The following NEK1 variants were observed in gnomAD, a reference collection of about 807,000 sequenced individuals.
NEK1 encodes the protein NIMA related kinase 1, also known as serine/threonine-protein kinase Nek1.
In NEK1, 137 loss-of-function variants were observed where a neutral mutation model predicts 182.1. The ratio of observed to expected loss-of-function variants is 0.75; its 90% CI spans 0.65 to 0.87. The LOEUF (loss-of-function observed/expected upper bound fraction) is 0.87. Ranked by LOEUF, NEK1 falls within the 40% of genes least tolerant of loss-of-function variation. The pLI, the probability that NEK1 is intolerant of heterozygous loss-of-function variation, is 0.00. For missense variants in NEK1, 1,391 were observed against 1,494.4 expected, an observed-to-expected ratio of 0.93 and a Z score of 1.14; for synonymous variants, 513 against 492.2, an observed-to-expected ratio of 1.04 and a Z score of -0.56.
intron 23 of NEK1, 26 bp downstream of exon 23, chr4:169,507,011 G>T (rs750878344): frequency 9.4e-6 from 14 of 1,494,548 alleles, no homozygotes; most frequent in Non-Finnish European, 1.3e-5. Context: ...ATACAACCAG[G>T]ATTAAGAATA....
At chr4:169,468,311 C>T (rs992818100) in intron 26 of NEK1, among the ~76,000 whole-genome samples, 4 of 151,932 alleles carry the variant, frequency 2.6e-5, no homozygotes, top group Admixed American at 2.0e-4. Flanking sequence ...GAAAAAGTTG[C>T]CCCTGGGAGG....
intron 4 of NEK1, among the ~76,000 whole-genome samples, chr4:169,599,819 C>A (rs964736011): frequency 1.3e-5 from 2 of 152,022 alleles, no homozygotes; most frequent in African/African-American, 4.8e-5. Context: ...TCTCGGTCCA[C>A]AAAGAAAGGT....
chr4:169,434,035 GGAA>G (rs1299944771), intron 28 of NEK1, among the ~76,000 whole-genome samples: 1 of 151,878 alleles, frequency 6.6e-6, no homozygotes, highest in Non-Finnish European at 1.5e-5. Flanking sequence ...TTAGAAATAT[GGAA>G]GAATAGACTG....
At chr4:169,505,513 C>T (rs4692732) in intron 23 of NEK1, among the ~76,000 whole-genome samples, 150,533 of 152,392 alleles carry the variant, frequency 0.99, 74,368 homozygotes, top group East Asian at 1. Context: ...CTCTATGTTA[C>T]TGGCAAGGCT....
chr4:169,509,657 G>C (rs1037254472), intron 19 of NEK1, among the ~76,000 whole-genome samples: 4 of 151,916 alleles, frequency 2.6e-5, no homozygotes, highest in Non-Finnish European at 2.9e-5. Flanking sequence ...CCTTCTGAGT[G>C]ATTTTTGCAT....
At chr4:169,575,419 T>C (rs1482575238) in intron 12 of NEK1, among the ~76,000 whole-genome samples, 1 of 152,246 alleles carries the variant, frequency 6.6e-6, no homozygotes, top group Non-Finnish European at 1.5e-5. Flanking sequence ...CCTTTCTTCC[T>C]GTTACTGCAG....
chr4:169,530,182 C>T (rs1017472035), intron 19 of NEK1, among the ~76,000 whole-genome samples: 16 of 152,144 alleles, frequency 1.1e-4, no homozygotes, highest in East Asian at 3.9e-4. Context: ...TACTCAGCAG[C>T]GAAATGAAAC....
chr4:169,494,011 T>G (rs1750628518), intron 23 of NEK1, among the ~76,000 whole-genome samples: 1 of 151,838 alleles, frequency 6.6e-6, no homozygotes, highest in Admixed American at 6.6e-5. Flanking sequence ...AGGGTCAATG[T>G]GAAAGAAACA....
chr4:169,548,442 G>C (rs1760889540), intron 18 of NEK1, among the ~76,000 whole-genome samples: 2 of 152,200 alleles, frequency 1.3e-5, no homozygotes, highest in African/African-American at 4.8e-5. Flanking sequence ...GATACACAGG[G>C]GTCAGGGACC....
intron 27 of NEK1, among the ~76,000 whole-genome samples, chr4:169,443,865 A>G (rs948313344): frequency 1.3e-5 from 2 of 152,174 alleles, no homozygotes; most frequent in Non-Finnish European, 2.9e-5. Flanking sequence ...AAACGGGATG[A>G]TATATTCAAA....
intron 5 of NEK1, among the ~76,000 whole-genome samples, chr4:169,595,094 T>C (rs768289600): frequency 6.6e-6 from 1 of 152,108 alleles, no homozygotes; most frequent in African/African-American, 2.4e-5. Flanking sequence ...AAATAGACTC[T>C]TGGGTACAAG....
chr4:169,396,515 G>C (rs1168164302), intron 35 of NEK1, among the ~76,000 whole-genome samples: 1 of 151,782 alleles, frequency 6.6e-6, no homozygotes, highest in East Asian at 1.9e-4. Flanking sequence ...GAATTTATTA[G>C]GAATACTATC....
At chr4:169,537,471 G>GA (rs997374896) in intron 19 of NEK1, among the ~76,000 whole-genome samples, 4 of 151,738 alleles carry the variant, frequency 2.6e-5, no homozygotes, top group African/African-American at 7.2e-5. Context: ...GCATATTGGG[G>GA]AAAAAAAACA....
chr4:169,551,552 G>A (rs1354233898), intron 18 of NEK1, among the ~76,000 whole-genome samples: 1 of 151,896 alleles, frequency 6.6e-6, no homozygotes, highest in Admixed American at 6.6e-5. Context: ...AAACAACATG[G>A]GAAATATGTA....
chr4:169,408,564 G>A (rs1161305054), intron 31 of NEK1, among the ~76,000 whole-genome samples: 1 of 151,960 alleles, frequency 6.6e-6, no homozygotes, highest in African/African-American at 2.4e-5. Context: ...ATTGGTGCAC[G>A]CAACACCCGA....
At chr4:169,422,696 C>G (rs73864610) in intron 31 of NEK1, among the ~76,000 whole-genome samples, 2,132 of 152,250 alleles carry the variant, frequency 0.014, 41 homozygotes, top group African/African-American at 0.048. Flanking sequence ...TCCTCATACT[C>G]CTCTACATGA....
chr4:169,597,858 C>T (rs1417487046), intron 5 of NEK1, among the ~76,000 whole-genome samples: 5 of 152,062 alleles, frequency 3.3e-5, no homozygotes, highest in East Asian at 1.9e-4. Context: ...GGCGTGAACC[C>T]GGAAGGCGGA....
intron 27 of NEK1, among the ~76,000 whole-genome samples, chr4:169,445,787 G>A (rs370872286): frequency 3.1e-4 from 46 of 150,694 alleles, no homozygotes; most frequent in African/African-American, 9.1e-4. Context: ...AGCATTATGC[G>A]ATATACCCAT....
chr4:169,539,007 T>C (rs1030521011), intron 18 of NEK1, among the ~76,000 whole-genome samples: 2 of 152,152 alleles, frequency 1.3e-5, no homozygotes, highest in Non-Finnish European at 2.9e-5. Context: ...CTAAGGTTCA[T>C]TTACCTCATG....
Sources: gnomAD v4.1 joint callset for allele counts (sites outside exome capture counted in the v4.1 genomes callset) on GRCh38, gnomAD v4.1.1 for gene constraint, MANE v1.5 for transcripts, NCBI Gene and HGNC (gene_info 2026-07-23, HGNC 2026-07-21) for gene names.